Variants in RGS7 observed in about 807,000 individuals in gnomAD.
The protein encoded by RGS7 is regulator of G protein signaling 7, also known as regulator of G-protein signaling 7.
A neutral mutation model predicts 81.1 loss-of-function variants in RGS7; 27 were observed. The observed-to-expected ratio is 0.33, with a 90% CI of 0.25 to 0.46. RGS7 has a LOEUF of 0.46. Among genes scored for constraint, RGS7 ranks in the 20% least tolerant of loss-of-function variants. RGS7 has a pLI of 1.00. For missense variants in RGS7, 396 were observed against 607.4 expected (o/e 0.65, Z 3.66); for synonymous variants, 208 against 207.7 (o/e 1.00, Z -0.01).
intron 3 of RGS7, among the ~76,000 whole-genome samples, chr1:241,064,194 A>C (rs147575479): frequency 0.025 from 3,745 of 151,534 alleles, 147 homozygotes; most frequent in African/African-American, 0.074. Flanking sequence ...AAAAAAAAAA[A>C]AAAAAAAAAA....
At chr1:241,066,158 T>TG (rs1190038571) in intron 3 of RGS7, among the ~76,000 whole-genome samples, 4 of 152,226 alleles carry the variant, frequency 2.6e-5, no homozygotes, top group Non-Finnish European at 5.9e-5. Context: ...TATGGAATTT[T>TG]GATTTGATAT....
intron 2 of RGS7, among the ~76,000 whole-genome samples, chr1:241,203,520 G>A (rs926926778): frequency 3.3e-5 from 5 of 152,122 alleles, no homozygotes; most frequent in South Asian, 2.1e-4. Context: ...GTGAGCCACC[G>A]TGCCCGGCCT....
At position 240,857,791 on chromosome 1, in the gene RGS7, G is replaced by C. The variant is rs142121591; in HGVS notation, c.609+10796C>G. On this transcript the variant is annotated intron_variant, in intron 9 of 18. Transcript: ENST00000440928. ...AAATCTCATCTGAATTGTAGTTCCC[G>C]TAATCCCCATGTGTTGTGGGAGGGA... Among the ~76,000 whole-genome samples the C allele has an allele frequency of 2.9e-3, 442 of 152,134 alleles. 1 individual carries two copies. Among genetic ancestry groups the C allele is most frequent in the African/African-American group, 1.0e-2 (413 of 41,492 alleles).
intron 3 of RGS7, among the ~76,000 whole-genome samples, chr1:240,996,401 A>G (rs1182135594): frequency 2.0e-5 from 3 of 152,166 alleles, no homozygotes; most frequent in African/African-American, 7.2e-5. Flanking sequence ...AAGGAGTGTT[A>G]AAGTCTCAGC....
chr1:241,030,470 T>C (rs904565754), intron 3 of RGS7, among the ~76,000 whole-genome samples: 51 of 136,624 alleles, frequency 3.7e-4, no homozygotes, highest in Admixed American at 1.8e-3. Flanking sequence ...TACAAACATA[T>C]ATGCATGGTA....
intron 10 of RGS7, among the ~76,000 whole-genome samples, chr1:240,822,198 G>A (rs1691919274): frequency 6.6e-6 from 1 of 152,182 alleles, no homozygotes; most frequent in Non-Finnish European, 1.5e-5. Flanking sequence ...TGAGCAAGAA[G>A]GGATTCTGTC....
At chr1:241,008,084 G>A (rs987517915) in intron 3 of RGS7, among the ~76,000 whole-genome samples, 4 of 152,110 alleles carry the variant, frequency 2.6e-5, no homozygotes, top group African/African-American at 9.7e-5. Flanking sequence ...GGACCTGTAT[G>A]CAAAGATCCG....
chr1:241,038,244 T>C (rs1026375623), intron 3 of RGS7, among the ~76,000 whole-genome samples: 6 of 152,140 alleles, frequency 3.9e-5, no homozygotes, highest in Admixed American at 2.0e-4. Context: ...TCTAGCTGAG[T>C]TAGAAGTGAT....
intron 9 of RGS7, among the ~76,000 whole-genome samples, chr1:240,852,969 G>C (rs1660378978): frequency 6.6e-6 from 1 of 152,176 alleles, no homozygotes; most frequent in South Asian, 2.1e-4. Context: ...TTGTCAGTGT[G>C]TGTTAAGAAC....
At chr1:241,302,693 G>C (rs1171841494) in intron 2 of RGS7, among the ~76,000 whole-genome samples, 6 of 152,122 alleles carry the variant, frequency 3.9e-5, no homozygotes, top group Non-Finnish European at 8.8e-5. Flanking sequence ...AAAAATGATA[G>C]TATACTCTAG....
intron 3 of RGS7, among the ~76,000 whole-genome samples, chr1:241,090,776 C>G (rs1315614848): frequency 6.6e-6 from 1 of 152,122 alleles, no homozygotes; most frequent in Non-Finnish European, 1.5e-5. Context: ...TAGTGGGTTA[C>G]TCAGGATCAC....
intron 9 of RGS7, among the ~76,000 whole-genome samples, chr1:240,859,464 G>GTTTTTCTGTTT (rs1661788302): frequency 1.5e-5 from 1 of 66,796 alleles, no homozygotes; most frequent in Non-Finnish European, 2.9e-5. Context: ...TTTTTCTTTT[G>GTTTTTCTGTTT]GTCCATTTCA....
intron 3 of RGS7, among the ~76,000 whole-genome samples, chr1:241,075,576 T>C (rs1343650315): frequency 6.6e-6 from 1 of 151,822 alleles, no homozygotes; most frequent in African/African-American, 2.4e-5. Flanking sequence ...TAAATCACAC[T>C]AACACTAACG....
chr1:241,042,909 T>C (rs1456784942), intron 3 of RGS7, among the ~76,000 whole-genome samples: 2 of 151,358 alleles, frequency 1.3e-5, no homozygotes, highest in African/African-American at 4.9e-5. Flanking sequence ...TGAGCCGAGA[T>C]TGCACCATTG....
intron 3 of RGS7, among the ~76,000 whole-genome samples, chr1:241,058,501 T>C (rs2061585684): frequency 6.6e-6 from 1 of 152,240 alleles, no homozygotes. Flanking sequence ...TTTATTTGAA[T>C]TCTTTCTTCT....
chr1:240,831,630 C>CTTTTTTTTTTTTTTTTTTTTTTTTTT (rs767275119), intron 9 of RGS7, among the ~76,000 whole-genome samples: 1 of 135,400 alleles, frequency 7.4e-6, no homozygotes, highest in Non-Finnish European at 1.6e-5. Context: ...TCCAGACATC[C>CTTTTTTTTTTTTTTTTTTTTTTTTTT]TTTTTTTTTT....
intron 4 of RGS7, among the ~76,000 whole-genome samples, chr1:240,939,763 G>A (rs1677255256): frequency 6.6e-6 from 1 of 152,052 alleles, no homozygotes; most frequent in Non-Finnish European, 1.5e-5. Context: ...ACTGGGAGTT[G>A]GGGGCTGCAA....
rs1572738262 is a variant in RGS7 at position 240,915,032 on chromosome 1, T to G, written c.385+15685A>C. Among the ~76,000 whole-genome samples, 4 of 152,308 alleles carry G rather than the reference T, an allele frequency of 2.6e-5. No homozygotes were observed. In the Middle Eastern group the frequency reaches 0.014, roughly 518 times the overall value. On this transcript the variant is annotated intron_variant, in intron 6 of 18. Transcript: ENST00000440928. ...GCAGTTTTAAGGGGGCTACCACACA[T>G]TTGTGACTTTTACTTCCAGGAGCCC...
chr1:241,013,814 G>A (rs560032958), intron 3 of RGS7, among the ~76,000 whole-genome samples: 3 of 152,186 alleles, frequency 2.0e-5, no homozygotes, highest in African/African-American at 7.2e-5. Context: ...TTAGTGTTAG[G>A]CTACATAATT....
Sources: allele counts gnomAD v4.1 joint callset (sites outside exome capture counted in the v4.1 genomes callset), GRCh38; gene constraint gnomAD v4.1.1; transcripts MANE v1.5; gene names NCBI Gene and HGNC (gene_info 2026-07-23, HGNC 2026-07-21).